The following ZFYVE16 variants were observed in gnomAD, a reference collection of about 807,000 sequenced individuals.
ZFYVE16 encodes the protein zinc finger FYVE-type containing 16, also known as zinc finger FYVE domain-containing protein 16.
A neutral mutation model predicts 138.1 loss-of-function variants in ZFYVE16; 89 were observed. The ratio of observed to expected loss-of-function variants is 0.64; its 90% CI spans 0.54 to 0.77. The LOEUF (loss-of-function observed/expected upper bound fraction) is 0.77. Among genes scored for constraint, ZFYVE16 ranks in the 30% least tolerant of loss-of-function variants. The pLI is 0.00. For synonymous variants in ZFYVE16, 596 were observed against 618.3 expected (o/e 0.96, Z 0.53); for missense variants, 1,793 against 1,786.7 (o/e 1.00, Z -0.06).
intron 15 of ZFYVE16, among the ~76,000 whole-genome samples, chr5:80,462,177 T>C (rs1298170738): frequency 6.6e-6 from 1 of 152,216 alleles, no homozygotes; most frequent in Non-Finnish European, 1.5e-5. Flanking sequence ...ATTATGGTAA[T>C]ATGTGGCTTT....
chr5:80,470,043 A>ATG (rs1211889753), intron 15 of ZFYVE16, among the ~76,000 whole-genome samples: 10 of 144,914 alleles, frequency 6.9e-5, no homozygotes, highest in South Asian at 4.4e-4. Context: ...GTGTATATAT[A>ATG]TGTGTGTGTG....
intron 5 of ZFYVE16, among the ~76,000 whole-genome samples, chr5:80,442,671 T>A (rs1417220109): frequency 6.6e-6 from 1 of 152,038 alleles, no homozygotes; most frequent in African/African-American, 2.4e-5. Context: ...GTGGAGGAGG[T>A]AAGGATGAAT....
chr5:80,426,293 T>TATATATATATAAATAAATAA (rs1402433567), intron 1 of ZFYVE16, among the ~76,000 whole-genome samples: 27 of 88,706 alleles, frequency 3.0e-4, no homozygotes, highest in African/African-American at 8.6e-4. Flanking sequence ...TATATATATA[T>TATATATATATAAATAAATAA]AATTAAATTT....
At position 80,423,662 on chromosome 5, in the gene ZFYVE16, G is replaced by A. The variant is rs563543827; in HGVS notation, c.-93-3830G>A. On this transcript the variant is annotated intron_variant, in intron 1 of 18. Transcript: ENST00000505560. ...GCCATTCTCCTGCCTCAGCCTCCCA[G>A]GTAGCTGGGACTACGGGCACCCGCC... 6.3e-3 allele frequency among the ~76,000 whole-genome samples: 951 copies of A among 151,256 alleles called. 10 individuals carry two copies. The highest frequency in any genetic ancestry group is 0.021 in the African/African-American group (879 of 41,186).
In ZFYVE16 at chr5:80,437,788, G is replaced by C; in HGVS notation, c.1103G>C (p.Ser368Thr). Residue 368 changes from serine (S) to threonine (T), a missense_variant, in exon 4 of 19, where the codon AGT (serine) becomes ACT (threonine). Coordinates refer to ENST00000505560, the MANE Select transcript of ZFYVE16 (RefSeq NM_001284236.3). The part of the protein sequence containing the change: ...QDSSSALHVS[S>T]KDVPSSLSCL... ...TCCTCTTCAGCTTTACATGTTTCCA[G>C]TAAAGATGTGCCGTCCTCATTGTCC... The C allele has an allele frequency of 1.2e-6, 2 of 1,614,052 alleles. No homozygotes were observed. The highest frequency in any genetic ancestry group is 1.7e-6 in the Non-Finnish European group (2 of 1,179,970).
chr5:80,440,873 A>C, intron 5 of ZFYVE16: 2 of 985,238 alleles, frequency 2.0e-6, no homozygotes, highest in Non-Finnish European at 2.4e-6. Flanking sequence ...ATACCTGATA[A>C]TAATTTGTTT....
intron 2 of ZFYVE16, among the ~76,000 whole-genome samples, chr5:80,428,160 C>T (rs941969810): frequency 1.3e-5 from 2 of 151,998 alleles, no homozygotes; most frequent in Admixed American, 6.6e-5. Flanking sequence ...ACTGTCTCCT[C>T]AAGTGGGTCC....
chr5:80,462,332 G>A (rs1344737606), intron 15 of ZFYVE16, among the ~76,000 whole-genome samples: 1 of 152,168 alleles, frequency 6.6e-6, no homozygotes, highest in East Asian at 1.9e-4. Flanking sequence ...GGAAGGTGAA[G>A]GGGAAGCAAG....
At chr5:80,456,416 A>C in intron 12 of ZFYVE16, 45 bp from the exon 13 acceptor site, 1 of 1,386,146 alleles carries the variant, frequency 7.2e-7, no homozygotes, top group South Asian at 1.2e-5. Flanking sequence ...GGATAGAAAA[A>C]TACTCATGGT....
intron 15 of ZFYVE16, among the ~76,000 whole-genome samples, chr5:80,461,557 C>T (rs1302409173): frequency 6.6e-6 from 1 of 152,172 alleles, no homozygotes; most frequent in Non-Finnish European, 1.5e-5. Context: ...ATTCTAGAGG[C>T]TAGAAGTCCA....
intron 17 of ZFYVE16, among the ~76,000 whole-genome samples, chr5:80,474,220 G>GT (rs1299977474): frequency 6.6e-6 from 1 of 151,294 alleles, no homozygotes; most frequent in East Asian, 1.9e-4. Context: ...TCATGTTTTA[G>GT]TTTTTTTTTA....
intron 14 of ZFYVE16, 107 bp downstream of exon 14, chr5:80,457,199 G>T: frequency 7.0e-7 from 1 of 1,429,070 alleles, no homozygotes; most frequent in Non-Finnish European, 9.4e-7. Flanking sequence ...AATTGTTGGT[G>T]ATAAAACAAT....
intron 1 of ZFYVE16, among the ~76,000 whole-genome samples, chr5:80,419,521 C>A (rs1561232039): frequency 6.6e-6 from 1 of 152,114 alleles, no homozygotes; most frequent in East Asian, 1.9e-4. Flanking sequence ...ATCACTTTAG[C>A]TATTCTAGAT....
intron 15 of ZFYVE16, among the ~76,000 whole-genome samples, chr5:80,470,079 G>A (rs1285319119): frequency 1.3e-5 from 1 of 77,838 alleles, no homozygotes; most frequent in Non-Finnish European, 2.8e-5. Context: ...GTGTGTGTGT[G>A]TGTGTGTGTG....
intron 3 of ZFYVE16, among the ~76,000 whole-genome samples, chr5:80,435,242 C>A (rs1749715390): frequency 6.6e-6 from 1 of 152,134 alleles, no homozygotes; most frequent in Non-Finnish European, 1.5e-5. Context: ...ACCATATTGG[C>A]TAGGCTGGTC....
chr5:80,445,244 C>G lies in ZFYVE16; in HGVS notation c.2582-19C>G. The G allele has an allele frequency of 6.2e-7, 1 of 1,601,936 alleles. No homozygotes were observed. Among genetic ancestry groups the G allele is most frequent in the Non-Finnish European group, 8.5e-7 (1 of 1,175,554 alleles). ...CATATTACCAGATTCAAATGTTTTA[C>G]TTTTTCAATTGATTCTAGGACTATG... On this transcript the variant is annotated intron_variant, in intron 6 of 18. Coordinates refer to ENST00000505560, the MANE Select transcript of ZFYVE16 (RefSeq NM_001284236.3).
chr5:80,459,018 C>T (rs958529448), intron 14 of ZFYVE16, among the ~76,000 whole-genome samples: 2 of 152,252 alleles, frequency 1.3e-5, no homozygotes, highest in Admixed American at 1.3e-4. Context: ...GGAACCTCCA[C>T]CTCCTGAGTT....
chr5:80,413,192 C>T (rs948685477), intron 1 of ZFYVE16, among the ~76,000 whole-genome samples: 3 of 151,810 alleles, frequency 2.0e-5, no homozygotes, highest in African/African-American at 7.3e-5. Context: ...GAAGAGAGGG[C>T]TGGGTGCGGT....
intron 15 of ZFYVE16, among the ~76,000 whole-genome samples, chr5:80,470,101 A>ATATATTT (rs1208201212): frequency 9.2e-6 from 1 of 108,564 alleles, no homozygotes; most frequent in Non-Finnish European, 1.7e-5. Context: ...GTGTGTGTGT[A>ATATATTT]TTTTTTTTTT....
Sources: gnomAD v4.1 joint callset for allele counts (sites outside exome capture counted in the v4.1 genomes callset) on GRCh38, gnomAD v4.1.1 for gene constraint, MANE v1.5 for transcripts, NCBI Gene and HGNC (gene_info 2026-07-23, HGNC 2026-07-21) for gene names.